Variants in SGSM1 observed in about 807,000 individuals in gnomAD.
The protein encoded by SGSM1 is small G protein signaling modulator 1.
In SGSM1, 73 loss-of-function variants were observed where a neutral mutation model predicts 133.8. The observed-to-expected ratio is 0.55, with a 90% CI of 0.45 to 0.66. The LOEUF (loss-of-function observed/expected upper bound fraction) is 0.66, where lower values mean the gene tolerates loss of function less well. SGSM1 is among the 30% of genes least tolerant of loss of function. The probability of loss-of-function intolerance (pLI) is 0.00; values close to 1 mark genes in which losing one functional copy is unlikely to be tolerated. For missense variants in SGSM1, 1,213 were observed against 1,448.1 expected (o/e 0.84, Z 2.64); for synonymous variants, 563 against 573.0 (o/e 0.98, Z 0.25).
At chr22:24,828,402 T>G (rs1324034932) in intron 2 of SGSM1, among the ~76,000 whole-genome samples, 1 of 152,060 alleles carries the variant, frequency 6.6e-6, no homozygotes, top group Non-Finnish European at 1.5e-5. Flanking sequence ...GATGTTCAAG[T>G]AAGGAACTTT....
At chr22:24,868,880 G>C in intron 12 of SGSM1, 25 bp downstream of exon 12, 1 of 1,609,896 alleles carries the variant, frequency 6.2e-7, no homozygotes, top group Non-Finnish European at 8.5e-7. Flanking sequence ...CCCGGGCCCC[G>C]GGGAGTCACC....
intron 22 of SGSM1, among the ~76,000 whole-genome samples, chr22:24,914,276 G>A (rs1407609475): frequency 2.2e-5 from 3 of 134,690 alleles, no homozygotes; most frequent in Non-Finnish European, 4.6e-5. Context: ...CTGGGCGACA[G>A]AGCAAGACTC....
At chr22:24,889,671 A>T (rs1194474514) in intron 16 of SGSM1, among the ~76,000 whole-genome samples, 3 of 137,652 alleles carry the variant, frequency 2.2e-5, no homozygotes, top group Non-Finnish European at 4.7e-5. Flanking sequence ...TTTTTTTGAG[A>T]TAGAGTCTTG....
chr22:24,806,480 A>G lies in SGSM1; in HGVS notation c.59A>G (p.Lys20Arg). The G allele has an allele frequency of 1.3e-6, 2 of 1,514,540 alleles. No individual in the cohort carries two copies. The highest frequency in any genetic ancestry group is 1.8e-6 in the Non-Finnish European group (2 of 1,131,852). 93.8% of individuals were successfully genotyped at this position (1,514,540 alleles called of 1,614,324 possible). The stretch of plus-strand genomic sequence containing the variant: ...CAGAGGCTGCTACGCACCGTCAAGA[A>G]GGAGGTGGGTGCCGGGGTGGGGGCA... ...TRQRLLRTVK[K>R]EVKQIMEEAV... The change falls in exon 2 of 25, where the codon AAG becomes AGG. Residue 20 changes from lysine to arginine, a missense_variant. By Grantham distance (26) the Lys-to-Arg change is conservative. Transcript: ENST00000400358.
intron 2 of SGSM1, among the ~76,000 whole-genome samples, chr22:24,817,351 C>CG (rs1928155942): frequency 6.7e-6 from 1 of 149,222 alleles, no homozygotes; most frequent in African/African-American, 2.5e-5. Context: ...AGATCCTCAG[C>CG]TTTTTTTTTC....
rs558239890 is a variant in SGSM1 at position 24,823,533 on chromosome 22, G to A, written c.63+17049G>A. 1.6e-4 allele frequency among the ~76,000 whole-genome samples: 24 copies of A among 152,130 alleles called. No homozygotes were observed. In the East Asian group the frequency reaches 3.5e-3, roughly 22 times the overall value. Reference sequence around the variant, plus strand: ...GGAGAATGACGGGAACCTGGGAGGCGGAGCTTGCAGTGAGCCGAAATTGCG... The same window carrying A: ...GGAGAATGACGGGAACCTGGGAGGCAGAGCTTGCAGTGAGCCGAAATTGCG... On this transcript the variant is annotated intron_variant, in intron 2 of 24. Coordinates refer to ENST00000400358, the MANE Select transcript of SGSM1 (RefSeq NM_001098497.3).
chr22:24,818,016 G>A (rs1456612814), intron 2 of SGSM1, among the ~76,000 whole-genome samples: 1 of 140,910 alleles, frequency 7.1e-6, no homozygotes, highest in East Asian at 2.4e-4. Context: ...TGGATCACCT[G>A]AGGTCAGGAG....
chr22:24,921,212 G>A lies in SGSM1; in HGVS notation c.3193+1219G>A, dbSNP rs565558087. Among the ~76,000 whole-genome samples, 7 of 151,868 alleles carry A rather than the reference G, an allele frequency of 4.6e-5. No individual in the cohort carries two copies. In the South Asian group the frequency reaches 1.5e-3, roughly 32 times the overall value. On this transcript the variant is annotated intron_variant, in intron 24 of 24. Transcript: ENST00000400358. ...CCTCCCAGGTTCAAGTGATTCTCCCGCCTCAGCCTCCTGAGTAGCTGGGAT... is the reference window on the plus strand; with the variant it reads ...CCTCCCAGGTTCAAGTGATTCTCCCACCTCAGCCTCCTGAGTAGCTGGGAT...
chr22:24,811,755 G>A (rs896110549), intron 2 of SGSM1, among the ~76,000 whole-genome samples: 1 of 151,636 alleles, frequency 6.6e-6, no homozygotes, highest in Admixed American at 6.6e-5. Flanking sequence ...TGTAGTCACA[G>A]CTATTTGAGA....
chr22:24,921,703 C>CTT (rs76823932), intron 24 of SGSM1, among the ~76,000 whole-genome samples: 2 of 145,576 alleles, frequency 1.4e-5, no homozygotes, highest in Admixed American at 6.9e-5. Context: ...ACATATGTAT[C>CTT]TTTTTTTTTT....
At chr22:24,860,910 AAAAAAAAAAAAAATATAT>A (rs893251654) in intron 9 of SGSM1, among the ~76,000 whole-genome samples, 10 of 97,216 alleles carry the variant, frequency 1.0e-4, no homozygotes, top group African/African-American at 4.6e-4. Context: ...AAAAAAAAAA[AAAAAAAAAAAAAATATAT>A]ATATATATAT....
Position 24,847,644 on chromosome 22 carries a change from G to A in SGSM1, c.150G>A (p.Glu50=). Residue 50 remains glutamate (E), a synonymous_variant, in exon 4 of 25, where the codon GAG becomes GAA. Coordinates refer to ENST00000400358, the MANE Select transcript of SGSM1 (RefSeq NM_001098497.3). ...SHIISFCAAV[E]ACVLHGLRRR... ...GCCATGTCCCTGCAGCGGCTGTGGA[G>A]GCCTGCGTTCTGCACGGGCTTCGGC... The A allele has an allele frequency of 6.2e-7, 1 of 1,613,404 alleles. No homozygotes were observed. The highest frequency in any genetic ancestry group is 8.5e-7 in the Non-Finnish European group (1 of 1,179,722).
At chr22:24,910,448 G>C (rs1411107842) in intron 21 of SGSM1, among the ~76,000 whole-genome samples, 1 of 152,058 alleles carries the variant, frequency 6.6e-6, no homozygotes, top group Non-Finnish European at 1.5e-5. Flanking sequence ...AGGAGTTTGA[G>C]ACCAGCCTGA....
chr22:24,847,163 C>T (rs972129895), intron 3 of SGSM1, among the ~76,000 whole-genome samples: 2 of 151,826 alleles, frequency 1.3e-5, no homozygotes, highest in Non-Finnish European at 2.9e-5. Context: ...GCGCCTGGCC[C>T]GAGATTAGGC....
chr22:24,891,820 A>G (rs770054893), intron 16 of SGSM1, among the ~76,000 whole-genome samples: 8 of 152,130 alleles, frequency 5.3e-5, no homozygotes, highest in Admixed American at 1.3e-4. Context: ...GTAAATTCTC[A>G]GAAGGAATTA....
At chr22:24,811,435 G>C (rs552093456) in intron 2 of SGSM1, among the ~76,000 whole-genome samples, 1 of 149,866 alleles carries the variant, frequency 6.7e-6, no homozygotes, top group Admixed American at 6.6e-5. Context: ...AAGCCGGGGT[G>C]GGGGTGGGCA....
rs1353393428 is a variant in SGSM1 at position 24,915,139 on chromosome 22, G to C, written c.2928+2387G>C. ...AGCTACTCCGGAGGCTGAGATAGGAGAATGGTGTGAACCCGGGAGGCGGAG... is the reference window on the plus strand; with the variant it reads ...AGCTACTCCGGAGGCTGAGATAGGACAATGGTGTGAACCCGGGAGGCGGAG... On this transcript the variant is annotated intron_variant, in intron 22 of 24. Coordinates refer to ENST00000400358, the MANE Select transcript of SGSM1 (RefSeq NM_001098497.3). Among the ~76,000 whole-genome samples, 5 of 152,334 alleles carry C rather than the reference G, an allele frequency of 3.3e-5. No individual in the cohort carries two copies. The East Asian group carries it at 9.6e-4, about 29-fold the overall frequency.
chr22:24,856,959 G>T (rs1201741568), intron 8 of SGSM1, among the ~76,000 whole-genome samples: 1 of 151,694 alleles, frequency 6.6e-6, no homozygotes, highest in Non-Finnish European at 1.5e-5. Flanking sequence ...TAGTAGAGAT[G>T]GGATTTCACC....
intron 9 of SGSM1, among the ~76,000 whole-genome samples, chr22:24,866,276 G>A (rs1362981406): frequency 6.6e-6 from 1 of 152,154 alleles, no homozygotes; most frequent in Non-Finnish European, 1.5e-5. Flanking sequence ...AATTCTCACA[G>A]CAACACAATG....
Sources: gnomAD v4.1 joint callset for allele counts (sites outside exome capture counted in the v4.1 genomes callset) on GRCh38, gnomAD v4.1.1 for gene constraint, MANE v1.5 for transcripts, NCBI Gene and HGNC (gene_info 2026-07-23, HGNC 2026-07-21) for gene names.